TSHR: variants seen among roughly 807,000 people sequenced by gnomAD.
TSHR encodes thyrotropin receptor.
A neutral mutation model predicts 64.1 loss-of-function variants in TSHR; 51 were observed. The ratio of observed to expected loss-of-function variants is 0.80; its 90% CI spans 0.64 to 1.01. The LOEUF is 1.01. TSHR is among the 50% of genes least tolerant of loss of function. The pLI, the probability that TSHR is intolerant of heterozygous loss-of-function variation, is 0.00. For missense variants in TSHR, 877 were observed against 942.8 expected (o/e 0.93, Z 0.91); for synonymous variants, 361 against 361.9 (o/e 1.00, Z 0.03).
chr14:80,981,293 A>C (rs1380825677), intron 1 of TSHR, among the ~76,000 whole-genome samples: 3 of 152,192 alleles, frequency 2.0e-5, no homozygotes, highest in African/African-American at 7.2e-5. Context: ...ACACAAGTTT[A>C]TGGGCAAGGG....
chr14:81,021,208 T>A (rs1883731194), intron 1 of TSHR, among the ~76,000 whole-genome samples: 1 of 152,148 alleles, frequency 6.6e-6, no homozygotes, highest in Admixed American at 6.6e-5. Context: ...AACTGGTCCC[T>A]GGTACCAAAA....
At chr14:81,142,585 C>T (rs1449569919) in intron 9 of TSHR, among the ~76,000 whole-genome samples, 1 of 146,942 alleles carries the variant, frequency 6.8e-6, no homozygotes, top group African/African-American at 2.5e-5. Flanking sequence ...GGGAACCATT[C>T]GTGGGTTTTA....
chr14:80,966,354 C>G (rs1014871350), intron 1 of TSHR, among the ~76,000 whole-genome samples: 5 of 152,108 alleles, frequency 3.3e-5, no homozygotes, highest in Non-Finnish European at 7.4e-5. Flanking sequence ...CATCTCAACA[C>G]CCTTGGCAGT....
intron 1 of TSHR, among the ~76,000 whole-genome samples, chr14:81,057,302 T>A (rs931435603): frequency 1.3e-5 from 2 of 151,902 alleles, no homozygotes; most frequent in African/African-American, 4.8e-5. Flanking sequence ...TACCAGCTAC[T>A]CAGGAGGCTG....
intron 8 of TSHR, among the ~76,000 whole-genome samples, chr14:81,134,391 C>A (rs935478474): frequency 1.1e-4 from 17 of 152,186 alleles, no homozygotes; most frequent in African/African-American, 3.9e-4. Context: ...CCGCCTCAGC[C>A]TCCCAAAGTG....
chr14:81,125,268 A>G (rs1199881197), intron 8 of TSHR, among the ~76,000 whole-genome samples: 1 of 152,184 alleles, frequency 6.6e-6, no homozygotes, highest in Non-Finnish European at 1.5e-5. Flanking sequence ...GTTATGAGAG[A>G]AAACAAAGGC....
In TSHR at chr14:81,062,321, A is replaced by G. The variant is rs944751234; in HGVS notation, c.242+102A>G. ...CTTGGTATTATACTTGCATAAATCA[A>G]TGGCAGTTATATTGTCAATGTATAT... On this transcript the variant is annotated intron_variant, in intron 2 of 9. Coordinates refer to ENST00000298171, the MANE Select transcript of TSHR (RefSeq NM_000369.5). 4 of 816,020 alleles carry G rather than the reference A, an allele frequency of 4.9e-6. No homozygotes were observed. The Admixed American group carries it at 7.2e-5, about 15-fold the overall frequency. 50.5% of individuals were successfully genotyped at this position (816,020 alleles called of 1,614,324 possible).
At chr14:81,099,411 A>C (rs1889428975) in intron 7 of TSHR, 1 of 152,140 alleles carries the variant, frequency 6.6e-6, no homozygotes, top group Admixed American at 6.5e-5. Context: ...GCCATCACCA[A>C]GGTGTGAACA....
intron 1 of TSHR, among the ~76,000 whole-genome samples, chr14:81,004,747 TGCC>T (rs1889507480): frequency 8.2e-6 from 1 of 122,350 alleles, no homozygotes; most frequent in Non-Finnish European, 1.9e-5. Context: ...CACAATAGCC[TGCC>T]TGCCCCTCAC....
chr14:81,068,306 A>G lies in TSHR; in HGVS notation c.295A>G (p.Asn99Asp), dbSNP rs1312752224. The change falls in exon 3 of 10, where the codon AAT becomes GAT. Residue 99 changes from asparagine (N) to aspartate (D), a missense_variant. Physicochemically the swap from Asn to Asp is conservative, Grantham distance 23. Transcript: ENST00000298171. Reference sequence around the variant, plus strand: ...GCAGCTGGAATCACACTCCTTCTACAATTTGAGTAAAGTGACTCACATGTA... The same window carrying G: ...GCAGCTGGAATCACACTCCTTCTACGATTTGAGTAAAGTGACTCACATGTA... The part of the protein sequence containing the change: ...LQQLESHSFY[N>D]LSKVTHIEIR... The G allele has an allele frequency of 6.2e-7, 1 of 1,613,134 alleles. No individual in the cohort carries two copies. The highest frequency in any genetic ancestry group is 8.5e-7 in the Non-Finnish European group (1 of 1,179,390).
chr14:81,043,992 A>T (rs768686631), intron 1 of TSHR, among the ~76,000 whole-genome samples: 1 of 152,198 alleles, frequency 6.6e-6, no homozygotes, highest in Non-Finnish European at 1.5e-5. Flanking sequence ...CCTAGAAGAA[A>T]ATCTAGGCAA....
At chr14:81,041,790 T>C (rs1242408967) in intron 1 of TSHR, among the ~76,000 whole-genome samples, 6 of 152,182 alleles carry the variant, frequency 3.9e-5, no homozygotes, top group African/African-American at 9.6e-5. Flanking sequence ...ATATTTACCA[T>C]CATGTTACAA....
intron 7 of TSHR, among the ~76,000 whole-genome samples, chr14:81,099,926 C>T (rs1042746418): frequency 2.0e-5 from 3 of 152,036 alleles, no homozygotes; most frequent in African/African-American, 4.8e-5. Flanking sequence ...CAGTGTAGGT[C>T]TAGCAGCTTA....
intron 1 of TSHR, among the ~76,000 whole-genome samples, chr14:81,036,326 A>G (rs1179319309): frequency 6.6e-6 from 1 of 152,196 alleles, no homozygotes; most frequent in Admixed American, 6.5e-5. Flanking sequence ...CAGAATTCCA[A>G]AAGCAGTGAG....
At chr14:81,079,937 T>TTTTGTTTGTTTG (rs36136362) in intron 3 of TSHR, among the ~76,000 whole-genome samples, 18 of 149,768 alleles carry the variant, frequency 1.2e-4, no homozygotes, top group African/African-American at 4.4e-4. Flanking sequence ...AGTTTTTGGG[T>TTTTGTTTGTTTG]TTTGTTTGTT....
chr14:81,141,723 A>C (rs1302634349), intron 9 of TSHR, among the ~76,000 whole-genome samples: 2 of 152,216 alleles, frequency 1.3e-5, no homozygotes, highest in Non-Finnish European at 2.9e-5. Context: ...AGCCTGGCCA[A>C]CATGGTGAAA....
rs1891797319 is a variant in TSHR at position 81,143,587 on chromosome 14, A to G, written c.1529A>G (p.Tyr510Cys). The change falls in exon 10 of 10, where the codon TAT (tyrosine) becomes TGT (cysteine). Residue 510 changes from tyrosine to cysteine, a missense_variant. Tyr to Cys is a radical substitution (Grantham distance 194, BLOSUM62 -2). Coordinates refer to ENST00000298171, the MANE Select transcript of TSHR (RefSeq NM_000369.5). ...GTCTTTGCAAGCGAGTTATCGGTGT[A>G]TACGCTGACGGTCATCACCCTGGAG... ...FTVFASELSV[Y>C]TLTVITLERW... 3 of 1,613,396 alleles carry G rather than the reference A, an allele frequency of 1.9e-6. No individual in the cohort carries two copies. The highest frequency in any genetic ancestry group is 2.7e-5 in the African/African-American group (2 of 74,912).
At chr14:81,049,590 T>G (rs1013106512) in intron 1 of TSHR, 1 of 115,442 alleles carries the variant, frequency 8.7e-6, no homozygotes, top group African/African-American at 2.7e-5. Context: ...ACATTTAAGT[T>G]TTTTTCTTTT....
intron 9 of TSHR, among the ~76,000 whole-genome samples, chr14:81,140,246 A>G (rs1255163633): frequency 1.3e-5 from 2 of 152,220 alleles, no homozygotes; most frequent in East Asian, 1.9e-4. Context: ...GAACAGACTT[A>G]TAAACAACAC....
Sources: gnomAD v4.1 joint callset for allele counts (sites outside exome capture counted in the v4.1 genomes callset) on GRCh38, gnomAD v4.1.1 for gene constraint, MANE v1.5 for transcripts, NCBI Gene and HGNC (gene_info 2026-07-23, HGNC 2026-07-21) for gene names.